Variants in CASK observed in about 807,000 individuals in gnomAD.
CASK encodes calcium/calmodulin dependent serine protein kinase, also known as peripheral plasma membrane protein CASK.
In CASK, 4 loss-of-function variants were observed where a neutral mutation model predicts 82.9. The ratio of observed to expected loss-of-function variants is 0.05; its 90% CI spans 0.02 to 0.11. The LOEUF (loss-of-function observed/expected upper bound fraction) is 0.11, where lower values mean the gene tolerates loss of function less well. Ranked by LOEUF, CASK falls within the 10% of genes least tolerant of loss-of-function variation. The pLI is 1.00. For missense variants in CASK, 358 were observed against 720.9 expected (o/e 0.50, Z 5.76); for synonymous variants, 259 against 253.5 (o/e 1.02, Z -0.20).
chrX:41,560,036 A>T (rs1489958850), intron 17 of CASK, among the ~76,000 whole-genome samples, 189 bp from the exon 18 acceptor site: 1 of 112,061 alleles, frequency 8.9e-6, no homozygotes, highest in Non-Finnish European at 1.9e-5. Flanking sequence ...GTTCCTGGGA[A>T]AAGCCCAGCA....
rs1255896154 is a variant in CASK, at chrX:41,585,406, T to A, written c.1314+1501A>T. 2.7e-5 allele frequency: 3 copies of A among 112,500 alleles called. No individual in the cohort carries two copies. The Admixed American group carries it at 2.8e-4, about 11-fold the overall frequency. The allele number at this position is 112,500 out of a possible 1,213,427, so 9.3% of individuals were successfully genotyped here. ...TTGCTTCTTTCCAGGTAGTTACTTT[T>A]AGGAAAAAAACTTTATTTCAATAAC... On this transcript the variant is annotated intron_variant, in intron 14 of 26. Coordinates refer to ENST00000378163, the MANE Select transcript of CASK (RefSeq NM_001367721.1).
At chrX:41,633,055 A>T (rs189043151) in intron 9 of CASK, among the ~76,000 whole-genome samples, 2,715 of 88,936 alleles carry the variant, frequency 0.031, 31 homozygotes, top group Non-Finnish European at 0.054. Flanking sequence ...AAAAAAAAAA[A>T]AAATAATAAT....
chrX:41,520,418 G>T lies in CASK; in HGVS notation c.*2C>A. The T allele has an allele frequency of 8.3e-7, 1 of 1,200,545 alleles. No homozygotes were observed. The highest frequency in any genetic ancestry group is 1.1e-6 in the Non-Finnish European group (1 of 886,554). On this transcript the variant is annotated 3_prime_UTR_variant, in exon 27 of 27. Transcript: ENST00000378163. ...GTTATGCTCAGATATCTGGGGAGAGGCCTAATAGACCCAGGAGACAGGGAC... is the reference window on the plus strand; with the variant it reads ...GTTATGCTCAGATATCTGGGGAGAGTCCTAATAGACCCAGGAGACAGGGAC...
intron 2 of CASK, among the ~76,000 whole-genome samples, chrX:41,816,156 A>C (rs933968132): frequency 2.3e-4 from 26 of 112,251 alleles, no homozygotes; most frequent in African/African-American, 7.4e-4. Flanking sequence ...CCAGCTAAAA[A>C]AACAAAATTT....
At chrX:41,901,146 C>T (rs1601956591) in intron 1 of CASK, among the ~76,000 whole-genome samples, 1 of 111,923 alleles carries the variant, frequency 8.9e-6, no homozygotes, top group East Asian at 2.8e-4. Flanking sequence ...CCCTGATTAT[C>T]GGTGATCCTT....
chrX:41,883,458 A>G (rs2071987502), intron 1 of CASK, among the ~76,000 whole-genome samples: 1 of 111,222 alleles, frequency 9.0e-6, no homozygotes, highest in Admixed American at 9.6e-5. Flanking sequence ...CAAAAATCAG[A>G]TTAAGGGTGT....
intron 2 of CASK, among the ~76,000 whole-genome samples, chrX:41,849,816 G>C (rs992068120): frequency 9.4e-6 from 1 of 106,385 alleles, no homozygotes; most frequent in African/African-American, 3.4e-5. Context: ...ATCTTCATTA[G>C]AGCAATGAGA....
At chrX:41,773,972 T>C (rs2069299907) in intron 3 of CASK, among the ~76,000 whole-genome samples, 1 of 111,759 alleles carries the variant, frequency 8.9e-6, no homozygotes. Context: ...TAAAAGTATT[T>C]TTCTTTCTTC....
In CASK at chrX:41,643,683, T is replaced by C. The variant is rs771207653; in HGVS notation, c.832-7022A>G. On this transcript the variant is annotated intron_variant, in intron 8 of 26. Transcript: ENST00000378163. ...TTAAGGAGATTTTGGGCTGAGATGA[T>C]GGGGTTTTCTAAATATACAATCATG... 3.4e-3 allele frequency among the ~76,000 whole-genome samples: 376 copies of C among 111,891 alleles called. 6 individuals are homozygous for C. Among genetic ancestry groups the C allele is most frequent in the African/African-American group, 0.012 (361 of 30,836 alleles).
chrX:41,583,290 A>G (rs924155559), intron 14 of CASK, among the ~76,000 whole-genome samples: 4 of 111,418 alleles, frequency 3.6e-5, no homozygotes, highest in Non-Finnish European at 5.7e-5. Flanking sequence ...GATTTTGATG[A>G]AAAAAAAGGC....
chrX:41,533,886 G>A (rs1478941582), intron 24 of CASK, among the ~76,000 whole-genome samples: 1 of 111,466 alleles, frequency 9.0e-6, no homozygotes, highest in East Asian at 2.8e-4. Context: ...TCAAACTCCC[G>A]ACCTCAGGTG....
At chrX:41,915,520 T>A (rs1370028532) in intron 1 of CASK, among the ~76,000 whole-genome samples, 1 of 112,447 alleles carries the variant, frequency 8.9e-6, no homozygotes, top group Non-Finnish European at 1.9e-5. Flanking sequence ...GGGATATGGA[T>A]GGTAGGAGAA....
At chrX:41,594,034 C>T (rs929371038) in intron 12 of CASK, among the ~76,000 whole-genome samples, 2 of 111,634 alleles carry the variant, frequency 1.8e-5, no homozygotes, top group African/African-American at 3.3e-5. Flanking sequence ...TTACCCACCC[C>T]CCATTCTATC....
intron 22 of CASK, among the ~76,000 whole-genome samples, chrX:41,541,673 A>T (rs2064947385): frequency 8.9e-6 from 1 of 112,417 alleles, no homozygotes; most frequent in Non-Finnish European, 1.9e-5. Flanking sequence ...TGAGAAATGA[A>T]CAATTCAGAG....
intron 2 of CASK, among the ~76,000 whole-genome samples, chrX:41,811,149 C>T (rs952874754): frequency 9.0e-6 from 1 of 111,382 alleles, no homozygotes; most frequent in African/African-American, 3.3e-5. Context: ...TTTAACACCC[C>T]ACTGTCAACA....
At chrX:41,656,396 C>T (rs1005342835) in intron 8 of CASK, among the ~76,000 whole-genome samples, 6 of 111,151 alleles carry the variant, frequency 5.4e-5, no homozygotes, top group Admixed American at 9.5e-5. Context: ...TTTGCTTGCC[C>T]GGTGGAAGAT....
chrX:41,575,441 C>T (rs2065471750), intron 15 of CASK, among the ~76,000 whole-genome samples: 1 of 111,373 alleles, frequency 9.0e-6, no homozygotes, highest in African/African-American at 3.3e-5. Flanking sequence ...AAGTTATACT[C>T]CTGGCCTTTC....
At chrX:41,745,797 G>A (rs778988563) in intron 3 of CASK, among the ~76,000 whole-genome samples, 196 bp from the exon 4 acceptor site, 4 of 111,997 alleles carry the variant, frequency 3.6e-5, no homozygotes, top group Non-Finnish European at 7.5e-5. Context: ...AAAATCTGCA[G>A]GGAAAGAAAC....
intron 1 of CASK, among the ~76,000 whole-genome samples, chrX:41,893,374 T>C (rs2072211649): frequency 8.9e-6 from 1 of 112,134 alleles, no homozygotes; most frequent in Admixed American, 9.4e-5. Context: ...GCTGCTTAAG[T>C]CTGCAATACT....
Sources: gnomAD v4.1 joint callset for allele counts (sites outside exome capture counted in the v4.1 genomes callset) on GRCh38, gnomAD v4.1.1 for gene constraint, MANE v1.5 for transcripts, NCBI Gene and HGNC (gene_info 2026-07-23, HGNC 2026-07-21) for gene names.